CSF2RA: variants seen among roughly 807,000 people sequenced by gnomAD.
CSF2RA encodes the protein colony stimulating factor 2 receptor subunit alpha.
In CSF2RA, 42 loss-of-function variants were observed where a neutral mutation model predicts 51.6. That is an observed-to-expected ratio of 0.81 (90% confidence interval 0.64 to 1.05). The LOEUF (loss-of-function observed/expected upper bound fraction) is 1.05. Ranked by LOEUF, CSF2RA falls within the 50% of genes least tolerant of loss-of-function variation. The probability of loss-of-function intolerance (pLI) is 0.00; values close to 1 mark genes in which losing one functional copy is unlikely to be tolerated. For synonymous variants in CSF2RA, 222 were observed against 193.0 expected (o/e 1.15, Z -1.24); for missense variants, 530 against 501.1 (o/e 1.06, Z -0.55).
chrX:1,274,691 T>G (rs2088931149), intron 1 of CSF2RA, 64 bp from the exon 2 acceptor site: 2 of 451,622 alleles, frequency 4.4e-6, no homozygotes, highest in East Asian at 1.4e-4. Flanking sequence ...CAGGTTTGCC[T>G]AAGACAGTTT....
intron 10 of CSF2RA, among the ~76,000 whole-genome samples, chrX:1,301,236 G>A: frequency 6.7e-6 from 1 of 149,224 alleles, no homozygotes; most frequent in Non-Finnish European, 1.5e-5. Flanking sequence ...GAGGCTGAGG[G>A]CAGGAGAATG....
At chrX:1,289,860 TTGTTTTG>T (rs1427788517) in intron 6 of CSF2RA, among the ~76,000 whole-genome samples, 7 of 150,366 alleles carry the variant, frequency 4.7e-5, no homozygotes, top group African/African-American at 7.3e-5. Flanking sequence ...TTTTGTGTTT[TTGTTTTG>T]TGTTTTGTGT....
intron 6 of CSF2RA, 25 bp from the exon 7 acceptor site, chrX:1,290,312 C>T: frequency 6.2e-7 from 1 of 1,600,078 alleles, no homozygotes; most frequent in Admixed American, 1.7e-5. Context: ...CCTGATTGCT[C>T]TCTGAGCACT....
intron 7 of CSF2RA, among the ~76,000 whole-genome samples, chrX:1,291,632 C>T (rs2091407794): frequency 6.6e-6 from 1 of 152,052 alleles, no homozygotes; most frequent in Non-Finnish European, 1.5e-5. Flanking sequence ...AAGTGTGACT[C>T]CTGCCCACCA....
chrX:1,276,654 G>A (rs1390211901), intron 2 of CSF2RA, among the ~76,000 whole-genome samples: 4 of 152,124 alleles, frequency 2.6e-5, no homozygotes, highest in Admixed American at 6.6e-5. Flanking sequence ...GATTGCAGGC[G>A]TGAGCCTCTG....
At chrX:1,317,931 T>G in the CSF2RA span, among the ~76,000 whole-genome samples, 13 of 150,308 alleles carry the variant, frequency 8.6e-5, no homozygotes, top group Non-Finnish European at 1.8e-4. Context: ...CTCGGCCTCC[T>G]TAGTAGCTTG....
chrX:1,275,859 A>T (rs1426094367), intron 2 of CSF2RA, among the ~76,000 whole-genome samples: 1 of 151,450 alleles, frequency 6.6e-6, no homozygotes, highest in African/African-American at 2.4e-5. Flanking sequence ...CGCCCGGCCA[A>T]TTTTTGTATT....
At chrX:1,300,372 A>T in intron 9 of CSF2RA, 119 bp from the exon 10 acceptor site, 1 of 1,293,932 alleles carries the variant, frequency 7.7e-7, no homozygotes, top group Non-Finnish European at 1.1e-6. Context: ...GTAGAAAAAA[A>T]AGAAGAAAAA....
At position 1,309,187 on chromosome X, in the gene CSF2RA, C is replaced by T. The variant is rs3922509; in HGVS notation, c.1126-215C>T. ...GATCAGTCAAATTTGTGGTGGCGGGCGCCTGTAATCCCAGCTACTCAGGAG... is the reference window on the plus strand; with the variant it reads ...GATCAGTCAAATTTGTGGTGGCGGGTGCCTGTAATCCCAGCTACTCAGGAG... On this transcript the variant is annotated intron_variant, in intron 12 of 12. Coordinates refer to ENST00000381529, the MANE Select transcript of CSF2RA (RefSeq NM_172245.4). 0.11 allele frequency among the ~76,000 whole-genome samples: 16,655 copies of T among 151,976 alleles called. 1,239 individuals are homozygous for T. Among genetic ancestry groups the T allele is most frequent in the Admixed American group, 0.24 (3,590 of 15,242 alleles).
At chrX:1,286,233 A>T (rs1409895307) in intron 4 of CSF2RA, among the ~76,000 whole-genome samples, 3 of 151,810 alleles carry the variant, frequency 2.0e-5, no homozygotes, top group Non-Finnish European at 4.4e-5. Context: ...AGCTCGTGCC[A>T]TTGCACTCCA....
At chrX:1,308,031 C>T (rs2083851370) in intron 12 of CSF2RA, among the ~76,000 whole-genome samples, 1 of 149,000 alleles carries the variant, frequency 6.7e-6, no homozygotes. Flanking sequence ...TTAGATGAGG[C>T]CCACCCCTCT....
At chrX:1,307,018 G>A (rs34875894) in intron 12 of CSF2RA, among the ~76,000 whole-genome samples, 25,359 of 151,180 alleles carry the variant, frequency 0.17, 2,224 homozygotes, top group Non-Finnish European at 0.19. Context: ...TAGTCTCAGC[G>A]AGAGCCCAGA....
chrX:1,325,056 C>T, the CSF2RA span, among the ~76,000 whole-genome samples: 3 of 151,754 alleles, frequency 2.0e-5, no homozygotes, highest in African/African-American at 4.8e-5. Context: ...CCTGGTGCCC[C>T]GTCCTGAGTT....
At chrX:1,294,037 GAA>G in intron 7 of CSF2RA, 1 of 198,792 alleles carries the variant, frequency 5.0e-6, no homozygotes, top group Non-Finnish European at 9.1e-6. Flanking sequence ...GTAGACAGGA[GAA>G]GACTGCACCA....
chrX:1,284,431 A>AT (rs1298855394), intron 3 of CSF2RA, among the ~76,000 whole-genome samples: 3,058 of 29,326 alleles, frequency 0.1, 763 homozygotes, highest in East Asian at 0.29. Context: ...CTAGTTTTTG[A>AT]TTTTTTTTTT....
intron 9 of CSF2RA, 68 bp downstream of exon 9, chrX:1,295,524 TA>T: frequency 7.0e-7 from 1 of 1,418,788 alleles, no homozygotes; most frequent in Non-Finnish European, 9.8e-7. Flanking sequence ...TCACCACACC[TA>T]GTGTAACTCT....
At chrX:1,281,247 CTCT>C (rs2090015253) in intron 2 of CSF2RA, among the ~76,000 whole-genome samples, 1 of 134,904 alleles carries the variant, frequency 7.4e-6, no homozygotes, top group African/African-American at 2.8e-5. Flanking sequence ...CCTCCTTCTC[CTCT>C]TCCTTCTTCT....
intron 4 of CSF2RA, 61 bp from the exon 5 acceptor site, chrX:1,288,458 G>A (rs1302215283): frequency 1.9e-6 from 3 of 1,612,156 alleles, no homozygotes; most frequent in Admixed American, 1.7e-5. Context: ...CTCCAGCCTG[G>A]GAGACTGTAG....
At chrX:1,278,390 A>G (rs2089475611) in intron 2 of CSF2RA, among the ~76,000 whole-genome samples, 1 of 149,444 alleles carries the variant, frequency 6.7e-6, no homozygotes. Flanking sequence ...GTAGTGGAAG[A>G]CTAGCTACTC....
Sources: gnomAD v4.1 joint callset for allele counts (sites outside exome capture counted in the v4.1 genomes callset) on GRCh38, gnomAD v4.1.1 for gene constraint, MANE v1.5 for transcripts, NCBI Gene and HGNC (gene_info 2026-07-23, HGNC 2026-07-21) for gene names.